The following HDAC2 variants were observed in gnomAD, a reference collection of about 807,000 sequenced individuals.
HDAC2 encodes the protein histone deacetylase 2.
HDAC2 carries 5 observed loss-of-function variants against 68.5 expected under a neutral mutation model. That is an observed-to-expected ratio of 0.07 (90% confidence interval 0.04 to 0.15). The LOEUF is 0.15. HDAC2 is among the 10% of genes least tolerant of loss of function. HDAC2 has a pLI of 1.00. For missense variants in HDAC2, 291 were observed against 600.8 expected, an observed-to-expected ratio of 0.48 and a Z score of 5.39; for synonymous variants, 182 against 191.3, an observed-to-expected ratio of 0.95 and a Z score of 0.40.
In HDAC2 at chr6:113,943,355, T is replaced by G; in HGVS notation, c.1374A>C (p.Lys458Asn). 6.3e-7 allele frequency: 1 copy of G among 1,595,206 alleles called. No homozygotes were observed. The highest frequency in any genetic ancestry group is 1.4e-5 in the African/African-American group (1 of 73,710). The change falls in exon 12 of 14, where the codon AAA becomes AAC. Residue 458 changes from lysine (K) to asparagine (N), a missense_variant. Lys to Asn is a moderately conservative substitution (Grantham distance 94). This residue lies in a region of HDAC2 where 137 missense variants were observed against 128.7 expected (regional missense o/e 1.06). Transcript: ENST00000519065. ...EEDKKETEDK[K>N]TDVKEEDKSK... The stretch of plus-strand genomic sequence containing the variant: ...TTACCAAGAAACAAATCTGACCTGT[T>G]TTTTTGTCCTCTGTTTCTTTCTTAT...
intron 6 of HDAC2, among the ~76,000 whole-genome samples, chr6:113,950,085 A>G (rs191871631): frequency 1.4e-3 from 208 of 152,092 alleles, no homozygotes; most frequent in African/African-American, 4.8e-3. Flanking sequence ...CCAGCCTCAG[A>G]TTTGTTCTTA....
intron 10 of HDAC2, among the ~76,000 whole-genome samples, chr6:113,945,143 G>A (rs978653870): frequency 6.7e-6 from 1 of 148,644 alleles, no homozygotes; most frequent in Non-Finnish European, 1.5e-5. Flanking sequence ...CCAGGAGTTC[G>A]AGACCAGCCT....
Position 113,970,939 on chromosome 6 carries a change from C to G in HDAC2, c.-31G>C, listed in dbSNP as rs1469133971. 3 of 1,553,552 alleles carry G rather than the reference C, an allele frequency of 1.9e-6. No homozygotes were observed. Among genetic ancestry groups the G allele is most frequent in the Admixed American group, 2.0e-5 (1 of 51,088 alleles). On this transcript the variant is annotated 5_prime_UTR_variant, in exon 1 of 14. Coordinates refer to ENST00000519065, the MANE Select transcript of HDAC2 (RefSeq NM_001527.4). Reference sequence around the variant, plus strand: ...CCCCGGCCACCGCCGCCACCGGGCTCCTCCTCCTGCTGCTGCTGCTGCTGC... The same window carrying G: ...CCCCGGCCACCGCCGCCACCGGGCTGCTCCTCCTGCTGCTGCTGCTGCTGC...
intron 8 of HDAC2, chr6:113,947,929 T>C (rs1427509568): frequency 6.6e-6 from 1 of 152,150 alleles, no homozygotes; most frequent in Non-Finnish European, 1.5e-5. Context: ...TCTTAGAGAA[T>C]ACAAAGCACA....
chr6:113,961,175 T>C (rs1412347458), intron 1 of HDAC2, among the ~76,000 whole-genome samples: 1 of 152,174 alleles, frequency 6.6e-6, no homozygotes, highest in Non-Finnish European at 1.5e-5. Flanking sequence ...CGGGTTTATA[T>C]ATTACAATAA....
At position 113,935,391 on chromosome 6, in the gene HDAC2, C is replaced by T. The variant is rs906848480; in HGVS notation, c.*5667G>A. ...TCTTTTACTTTAGGAATTGCCTGTCCGTACTTTCCTTTAAAAGTTTTACCT... is the reference window on the plus strand; with the variant it reads ...TCTTTTACTTTAGGAATTGCCTGTCTGTACTTTCCTTTAAAAGTTTTACCT... On this transcript the variant is annotated 3_prime_UTR_variant, in exon 14 of 14. Coordinates refer to ENST00000519065, the MANE Select transcript of HDAC2 (RefSeq NM_001527.4). 2.6e-5 allele frequency: 4 copies of T among 152,124 alleles called. No homozygotes were observed. The highest frequency in any genetic ancestry group is 4.8e-5 in the African/African-American group (2 of 41,422). 9.4% of individuals were successfully genotyped at this position (152,124 alleles called of 1,614,324 possible).
chr6:113,955,831 T>C (rs1454263542), intron 5 of HDAC2, 182 bp downstream of exon 5: 2 of 534,668 alleles, frequency 3.7e-6, no homozygotes, highest in East Asian at 6.5e-5. Context: ...GTCTTAATAA[T>C]TGAAGAATTG....
In HDAC2 at chr6:113,935,168, C is replaced by T. The variant is rs1276060892; in HGVS notation, c.*5890G>A. 6.6e-6 allele frequency: 1 copy of T among 152,200 alleles called. No homozygotes were observed. Among genetic ancestry groups the T allele is most frequent in the African/African-American group, 2.4e-5 (1 of 41,446 alleles). 9.4% of individuals were successfully genotyped at this position (152,200 alleles called of 1,614,324 possible). A position where few individuals can be genotyped will look rare whatever the true frequency, so the allele number is the denominator to read the frequency against. Reference sequence around the variant, plus strand: ...TCACCTAGTCTAGCCAAAGGCAACACAAGTTCAAACTTTCCGGCTAGACTT... The same window carrying T: ...TCACCTAGTCTAGCCAAAGGCAACATAAGTTCAAACTTTCCGGCTAGACTT... On this transcript the variant is annotated 3_prime_UTR_variant, in exon 14 of 14. Coordinates refer to ENST00000519065, the MANE Select transcript of HDAC2 (RefSeq NM_001527.4).
In HDAC2 at chr6:113,949,057, G is replaced by C; in HGVS notation, c.763C>G (p.Pro255Ala). ...IISKVMEMYQ[P>A]SAVVLQCGAD... is the part of the protein sequence containing the mutation. ...CCACACTGTAATACCACAGCACTAG[G>C]TTGATACATCTCCATCACCTTTGAG... The change falls in exon 8 of 14, where the codon CCT becomes GCT. Residue 255 changes from proline to alanine, a missense_variant. By Grantham distance (27) the Pro-to-Ala change is conservative (BLOSUM62 -1). Transcript: ENST00000519065. 6.2e-7 allele frequency: 1 copy of C among 1,613,934 alleles called. No homozygotes were observed. Among genetic ancestry groups the C allele is most frequent in the Non-Finnish European group, 8.5e-7 (1 of 1,179,926 alleles).
Position 113,939,718 on chromosome 6 carries a change from C to A in HDAC2, c.*1340G>T, listed in dbSNP as rs1029020581. On this transcript the variant is annotated 3_prime_UTR_variant, in exon 14 of 14. Coordinates refer to ENST00000519065, the MANE Select transcript of HDAC2 (RefSeq NM_001527.4). ...GGAGGATTACAAACGACAAAGTACA[C>A]AAAGAGAGCTTCAATTTCGGTGTAT... 1 of 151,896 alleles carries A rather than the reference C, an allele frequency of 6.6e-6. No individual in the cohort carries two copies. Among genetic ancestry groups the A allele is most frequent in the African/African-American group, 2.4e-5 (1 of 41,334 alleles). The allele number at this position is 151,896 out of a possible 1,614,324, so 9.4% of individuals were successfully genotyped here. A position where few individuals can be genotyped will look rare whatever the true frequency, so the allele number is the denominator to read the frequency against.
chr6:113,958,427 TAGA>T (rs1163642187), intron 3 of HDAC2: 2 of 390,326 alleles, frequency 5.1e-6, no homozygotes, highest in East Asian at 5.4e-5. Context: ...AAACTAGGAG[TAGA>T]AGAATACCCA....
At chr6:113,970,048 T>C (rs1006499604) in intron 1 of HDAC2, 4 of 152,204 alleles carry the variant, frequency 2.6e-5, no homozygotes, top group African/African-American at 9.7e-5. Context: ...CTACCACCTC[T>C]TATTTCCTAC....
chr6:113,958,097 T>C (rs111408131), intron 3 of HDAC2, among the ~76,000 whole-genome samples: 14 of 152,332 alleles, frequency 9.2e-5, no homozygotes, highest in African/African-American at 3.4e-4. Flanking sequence ...CTTTAAAAGA[T>C]ACTGTTCCAA....
At chr6:113,943,912 T>C (rs957740803) in intron 11 of HDAC2, among the ~76,000 whole-genome samples, 12 of 152,312 alleles carry the variant, frequency 7.9e-5, no homozygotes, top group African/African-American at 2.9e-4. Flanking sequence ...CCATTACACA[T>C]ACTGTTATGC....
chr6:113,955,327 C>T (rs1248504264), intron 5 of HDAC2, among the ~76,000 whole-genome samples: 1 of 152,074 alleles, frequency 6.6e-6, no homozygotes, highest in Non-Finnish European at 1.5e-5. Context: ...AATTCTCCCA[C>T]CTCAGCCTCC....
At chr6:113,958,249 G>T (rs757501336) in intron 3 of HDAC2, among the ~76,000 whole-genome samples, 8 of 152,180 alleles carry the variant, frequency 5.3e-5, no homozygotes, top group Non-Finnish European at 1.0e-4. Flanking sequence ...AAAGAGATGT[G>T]TATTATAGTC....
rs772264251 is a variant in HDAC2, at chr6:113,953,433, A to G, written c.498-15T>C. 2.2e-5 allele frequency: 33 copies of G among 1,529,998 alleles called. No homozygotes were observed. The highest frequency in any genetic ancestry group is 4.6e-5 in the East Asian group (2 of 43,712). The allele number at this position is 1,529,998 out of a possible 1,614,324, so 94.8% of individuals were successfully genotyped here. A position where few individuals can be genotyped will look rare whatever the true frequency, so the allele number is the denominator to read the frequency against. On this transcript the variant is annotated splice_polypyrimidine_tract_variant and intron_variant, in intron 5 of 13. Transcript: ENST00000519065. ...TCTGATGATACCTGAAAACAAATCC[A>G]TAAGTTTTGGTTTTTCCTTTAAAGG...
chr6:113,960,409 C>T (rs1390111578), intron 1 of HDAC2, among the ~76,000 whole-genome samples: 1 of 151,916 alleles, frequency 6.6e-6, no homozygotes, highest in Non-Finnish European at 1.5e-5. Context: ...GCAAATACTG[C>T]TTTTTGGATG....
chr6:113,966,238 A>G (rs1776814602), intron 1 of HDAC2, among the ~76,000 whole-genome samples: 2 of 152,156 alleles, frequency 1.3e-5, no homozygotes, highest in Non-Finnish European at 2.9e-5. Context: ...ACGTTATATG[A>G]AAGCGTTCTA....
Sources: gnomAD v4.1 joint callset for allele counts (sites outside exome capture counted in the v4.1 genomes callset) on GRCh38, gnomAD v4.1.1 for gene constraint, gnomAD v4.1.1 regional missense constraint, MANE v1.5 for transcripts, NCBI Gene and HGNC (gene_info 2026-07-23, HGNC 2026-07-21) for gene names.